NPIPB2: variants seen among roughly 807,000 people sequenced by gnomAD.
NPIPB2 encodes nuclear pore complex interacting protein family member B2.
A neutral mutation model predicts 30.8 loss-of-function variants in NPIPB2; 27 were observed. The ratio of observed to expected loss-of-function variants is 0.88; its 90% CI spans 0.65 to 1.21. The LOEUF is 1.21. Ranked by LOEUF, NPIPB2 falls within the 50% of genes most tolerant of loss-of-function variation. The probability of loss-of-function intolerance (pLI) is 0.00; values close to 1 mark genes in which losing one functional copy is unlikely to be tolerated. For missense variants in NPIPB2, 440 were observed against 446.2 expected (o/e 0.99, Z 0.13); for synonymous variants, 147 against 162.0 (o/e 0.91, Z 0.70).
intron 1 of NPIPB2, among the ~76,000 whole-genome samples, chr16:11,951,666 A>ACACACACACACACC (rs1226047972): frequency 0.016 from 2,158 of 138,662 alleles, 60 homozygotes; most frequent in Middle Eastern, 0.04. Flanking sequence ...ACACACACAC[A>ACACACACACACACC]CCCAGCCCCC....
chr16:11,967,921 G>C (rs1374258274), intron 1 of NPIPB2: 1 of 1,515,416 alleles, frequency 6.6e-7, no homozygotes, highest in African/African-American at 1.4e-5. Flanking sequence ...GATCTCTTTA[G>C]GATGACTGTA....
intron 1 of NPIPB2, among the ~76,000 whole-genome samples, chr16:11,960,595 T>C (rs962886748): frequency 2.6e-5 from 4 of 152,020 alleles, no homozygotes; most frequent in African/African-American, 9.7e-5. Context: ...TGACCTCAGG[T>C]TATCCGCCCT....
At chr16:11,964,529 C>T (rs1198041117) in intron 1 of NPIPB2, among the ~76,000 whole-genome samples, 1 of 152,016 alleles carries the variant, frequency 6.6e-6, no homozygotes, top group Non-Finnish European at 1.5e-5. Flanking sequence ...GTCTCCCTGC[C>T]TCAGCCTCCT....
upstream of NPIPB2, among the ~76,000 whole-genome samples, chr16:11,945,307 G>T (rs2054994613): frequency 6.6e-6 from 1 of 152,214 alleles, no homozygotes; most frequent in Non-Finnish European, 1.5e-5. Flanking sequence ...CTTGAGGCCA[G>T]GAGTTCGAGG....
At chr16:11,930,919 ACCAGAC>A (rs2054782443) in intron 4 of NPIPB2, among the ~76,000 whole-genome samples, 2 of 105,788 alleles carry the variant, frequency 1.9e-5, no homozygotes, top group African/African-American at 3.8e-5. Context: ...AGTGTGAAAA[ACCAGAC>A]CTCACCAATT....
At chr16:11,941,567 G>A (rs1382652148) in intron 1 of NPIPB2, among the ~76,000 whole-genome samples, 5 of 150,672 alleles carry the variant, frequency 3.3e-5, no homozygotes, top group African/African-American at 4.9e-5. Flanking sequence ...CAGGACACGC[G>A]GGGCAAGGGA....
At chr16:11,935,685 T>C (rs552825218) in intron 2 of NPIPB2, among the ~76,000 whole-genome samples, 29 of 150,382 alleles carry the variant, frequency 1.9e-4, no homozygotes, top group Non-Finnish European at 4.0e-4. Flanking sequence ...TAAAAAAAAA[T>C]CATGTACTAG....
intron 1 of NPIPB2, among the ~76,000 whole-genome samples, chr16:11,970,638 C>A (rs187326673): frequency 6.6e-6 from 1 of 151,704 alleles, no homozygotes; most frequent in East Asian, 1.9e-4. Context: ...TGGTTTCAAG[C>A]GATTCTCCTG....
At chr16:11,951,666 ACC>A (rs376438093) in intron 1 of NPIPB2, among the ~76,000 whole-genome samples, 1 of 138,874 alleles carries the variant, frequency 7.2e-6, no homozygotes, top group Non-Finnish European at 1.6e-5. Flanking sequence ...ACACACACAC[ACC>A]CAGCCCCCAA....
At chr16:11,941,743 G>T (rs1430289832) in intron 1 of NPIPB2, 24 of 852,488 alleles carry the variant, frequency 2.8e-5, no homozygotes, top group South Asian at 8.6e-5. Flanking sequence ...CAATGGACAT[G>T]CCAAGTAGCG....
At chr16:11,941,170 C>G (rs2054933677) in intron 1 of NPIPB2, 2 of 1,509,152 alleles carry the variant, frequency 1.3e-6, no homozygotes, top group Admixed American at 4.1e-5. Context: ...TCTACTCACA[C>G]AGGTGGACTG....
intron 1 of NPIPB2, among the ~76,000 whole-genome samples, chr16:11,965,834 G>A (rs1264882650): frequency 5.9e-5 from 9 of 152,266 alleles, no homozygotes; most frequent in East Asian, 3.9e-4. Flanking sequence ...AGCCGGGTGC[G>A]GTGGATGGCT....
At chr16:11,950,106 G>A (rs765547274) in intron 1 of NPIPB2, among the ~76,000 whole-genome samples, 14 of 152,068 alleles carry the variant, frequency 9.2e-5, no homozygotes, top group Non-Finnish European at 1.8e-4. Flanking sequence ...CATGATCTTG[G>A]CTCATTGTAG....
At chr16:11,960,029 C>T (rs1446020062) in intron 1 of NPIPB2, among the ~76,000 whole-genome samples, 1 of 152,198 alleles carries the variant, frequency 6.6e-6, no homozygotes, top group Non-Finnish European at 1.5e-5. Flanking sequence ...TCTACCTCAG[C>T]CTACCAAAAT....
intron 1 of NPIPB2, among the ~76,000 whole-genome samples, chr16:11,974,535 A>G (rs1334105022): frequency 6.6e-6 from 1 of 152,098 alleles, no homozygotes; most frequent in Non-Finnish European, 1.5e-5. Context: ...AAAAACAAAA[A>G]TAACAAAGAC....
chr16:11,937,828 A>T (rs1374696615), intron 1 of NPIPB2, among the ~76,000 whole-genome samples, 160 bp from the exon 2 acceptor site: 1 of 152,248 alleles, frequency 6.6e-6, no homozygotes, highest in Non-Finnish European at 1.5e-5. Flanking sequence ...AACAGAAGTT[A>T]GAAGTCACAT....
chr16:11,930,565 G>A lies in NPIPB2; in HGVS notation c.489-14C>T, dbSNP rs999565423. Reference sequence around the variant, plus strand: ...ACGCTTAGTTTCCTCAGATTAGAAGGGAGAGAAATGCACACACATGATCCA... The same window carrying A: ...ACGCTTAGTTTCCTCAGATTAGAAGAGAGAGAAATGCACACACATGATCCA... On this transcript the variant is annotated splice_polypyrimidine_tract_variant and intron_variant, in intron 4 of 7. Coordinates refer to ENST00000399147, the Ensembl canonical transcript of NPIPB2. The A allele has an allele frequency of 3.2e-5, 50 of 1,552,310 alleles. No individual in the cohort carries two copies. The Admixed American group carries it at 8.2e-4, about 26-fold the overall frequency.
rs539519597 is a variant in NPIPB2 at position 11,937,605 on chromosome 16, G to A, written c.127C>T (p.Arg43Cys). 5.1e-5 allele frequency: 81 copies of A among 1,599,458 alleles called. 1 individual carries two copies. The Middle Eastern group carries it at 3.5e-3, about 68-fold the overall frequency. The change falls in exon 2 of 8, where the codon CGT (arginine) becomes TGT (cysteine). Residue 43 changes from arginine (R) to cysteine (C), a missense_variant. Physicochemically the swap from Arg to Cys is radical, Grantham distance 180. Transcript: ENST00000399147. ...CTTCTCGGAAATGCAATAATGATAC[G>A]TAACCAAGGACTTCCACCAAAGTCA...
At chr16:11,962,598 C>G (rs1242072273) in intron 1 of NPIPB2, among the ~76,000 whole-genome samples, 1 of 103,652 alleles carries the variant, frequency 9.6e-6, no homozygotes, top group Non-Finnish European at 1.8e-5. Flanking sequence ...GGTGACAGAG[C>G]AAGATTCTGT....
Sources: gnomAD v4.1 joint callset for allele counts (sites outside exome capture counted in the v4.1 genomes callset) on GRCh38, gnomAD v4.1.1 for gene constraint, MANE v1.5 for transcripts, NCBI Gene and HGNC (gene_info 2026-07-23, HGNC 2026-07-21) for gene names.